PCDHGB3: variants seen among roughly 807,000 people sequenced by gnomAD.
PCDHGB3 encodes protocadherin gamma-B3.
A neutral mutation model predicts 59.2 loss-of-function variants in PCDHGB3; 40 were observed. That is an observed-to-expected ratio of 0.68 (90% CI 0.52 to 0.88). The LOEUF (loss-of-function observed/expected upper bound fraction) is 0.88, where lower values mean the gene tolerates loss of function less well. PCDHGB3 is among the 40% of genes least tolerant of loss of function. PCDHGB3 has a pLI of 0.00. For missense variants in PCDHGB3, 1,309 were observed against 1,187.9 expected, an observed-to-expected ratio of 1.10 and a Z score of -1.50; for synonymous variants, 581 against 503.6, an observed-to-expected ratio of 1.15 and a Z score of -2.06.
At chr5:141,449,101 G>A (rs1020443363) in intron 1 of PCDHGB3, among the ~76,000 whole-genome samples, 2 of 152,144 alleles carry the variant, frequency 1.3e-5, no homozygotes, top group African/African-American at 2.4e-5. Flanking sequence ...TACATATGCA[G>A]TATATCTTTG....
rs1026815375 is a variant in PCDHGB3, at chr5:141,481,045, G to A, written c.2416-13762G>A. 4.6e-5 allele frequency among the ~76,000 whole-genome samples: 7 copies of A among 152,024 alleles called. No individual in the cohort carries two copies. In the South Asian group the frequency reaches 8.3e-4, roughly 18 times the overall value. ...TGCACTCCAGCCTGGGCGACAGAGCGAGACTCCACCTCAAAAACAAAAAGA... is the reference window on the plus strand; with the variant it reads ...TGCACTCCAGCCTGGGCGACAGAGCAAGACTCCACCTCAAAAACAAAAAGA... On this transcript the variant is annotated intron_variant, in intron 1 of 3. Coordinates refer to ENST00000576222, the MANE Select transcript of PCDHGB3 (RefSeq NM_018924.5).
intron 1 of PCDHGB3, chr5:141,415,979 C>T (rs2095978015): frequency 2.8e-6 from 1 of 351,190 alleles, no homozygotes; most frequent in Middle Eastern, 8.3e-4. Flanking sequence ...TTAAGCAACC[C>T]TCTTGTTCTG....
intron 1 of PCDHGB3, chr5:141,428,113 T>A: frequency 6.2e-7 from 1 of 1,607,492 alleles, no homozygotes; most frequent in Non-Finnish European, 8.5e-7. Flanking sequence ...CTGCAGGCCA[T>A]CGAGCCCGGG....
chr5:141,468,903 C>T (rs1265804352), intron 1 of PCDHGB3, among the ~76,000 whole-genome samples: 1 of 151,614 alleles, frequency 6.6e-6, no homozygotes, highest in Non-Finnish European at 1.5e-5. Context: ...CTAATATGAT[C>T]CAGACTAGAA....
intron 1 of PCDHGB3, chr5:141,394,434 C>A (rs985055027): frequency 6.2e-7 from 1 of 1,614,248 alleles, no homozygotes; most frequent in East Asian, 2.2e-5. Flanking sequence ...CGGGGACCCG[C>A]CCCTCAGCAG....
rs2099735810 is a variant in PCDHGB3 at position 141,491,979 on chromosome 5, G to A, written c.2416-2828G>A. On this transcript the variant is annotated intron_variant, in intron 1 of 3. Transcript: ENST00000576222. This position sits in a 1 kb window ranked among gnomAD's most constrained non-coding sequence, Gnocchi z 6.9. ...CAAAAAAGGCCGGGGCCTCCTTCGA[G>A]CTTCCGGTGAATTTCGGGCGATTTC... 6.4e-6 allele frequency: 5 copies of A among 787,296 alleles called. No homozygotes were observed. Among genetic ancestry groups the A allele is most frequent in the Non-Finnish European group, 9.4e-6 (5 of 533,208 alleles). 48.8% of individuals were successfully genotyped at this position (787,296 alleles called of 1,614,324 possible).
At position 141,413,764 on chromosome 5, in the gene PCDHGB3, G is replaced by A. The variant is rs749419039; in HGVS notation, c.2415+40955G>A. 28 of 1,612,716 alleles carry A rather than the reference G, an allele frequency of 1.7e-5. No individual in the cohort carries two copies. Among genetic ancestry groups the A allele is most frequent in the Non-Finnish European group, 2.2e-5 (26 of 1,179,878 alleles). On this transcript the variant is annotated intron_variant, in intron 1 of 3. Coordinates refer to ENST00000576222, the MANE Select transcript of PCDHGB3 (RefSeq NM_018924.5). ...CCGTGCCAATGGCGTCAAGTACCCG[G>A]AGCTGGTACTGGAGCACTCCCTAGA... is the stretch of plus-strand genomic sequence containing the variant.
chr5:141,431,092 G>A lies in PCDHGB3; in HGVS notation c.2415+58283G>A. On this transcript the variant is annotated intron_variant, in intron 1 of 3. Coordinates refer to ENST00000576222, the MANE Select transcript of PCDHGB3 (RefSeq NM_018924.5). This position sits in a 1 kb window ranked among gnomAD's most constrained non-coding sequence, Gnocchi z 4.8. ...AATTAAATCTAGACATTCTGATGGAGGATAAAGTGAAAATATATGGAGTAG... is the reference window on the plus strand; with the variant it reads ...AATTAAATCTAGACATTCTGATGGAAGATAAAGTGAAAATATATGGAGTAG... 1 of 1,614,252 alleles carries A rather than the reference G, an allele frequency of 6.2e-7. No individual in the cohort carries two copies. The highest frequency in any genetic ancestry group is 1.1e-5 in the South Asian group (1 of 91,090).
intron 1 of PCDHGB3, chr5:141,400,120 C>T: frequency 1.2e-6 from 2 of 1,614,076 alleles, no homozygotes; most frequent in Non-Finnish European, 1.7e-6. Flanking sequence ...TGACAGCTTG[C>T]AGGAGGTGCT....
intron 1 of PCDHGB3, chr5:141,415,909 C>T: frequency 2.6e-6 from 2 of 761,032 alleles, no homozygotes; most frequent in Non-Finnish European, 3.7e-6. Context: ...GACTTCCATA[C>T]AGAAGTGCCT....
chr5:141,431,435 G>C lies in PCDHGB3; in HGVS notation c.2415+58626G>C, dbSNP rs376827063. The C allele has an allele frequency of 6.2e-7, 1 of 1,613,668 alleles. No homozygotes were observed. The highest frequency in any genetic ancestry group is 1.7e-5 in the Admixed American group (1 of 60,010). On this transcript the variant is annotated intron_variant, in intron 1 of 3. Coordinates refer to ENST00000576222, the MANE Select transcript of PCDHGB3 (RefSeq NM_018924.5). This position sits in a 1 kb window ranked among gnomAD's most constrained non-coding sequence, Gnocchi z 4.8. ...GGGCGACCCGGTGCGCACAGGCACC[G>C]CGCGCATCCGCGTGATGGTTCTGGA...
At chr5:141,391,884 G>C (rs1192403353) in intron 1 of PCDHGB3, 1 of 152,128 alleles carries the variant, frequency 6.6e-6, no homozygotes, top group East Asian at 1.9e-4. Flanking sequence ...TTGGTGAAAG[G>C]GATGGGATGG....
At chr5:141,429,489 A>G (rs2097218567) in intron 1 of PCDHGB3, among the ~76,000 whole-genome samples, 1 of 152,062 alleles carries the variant, frequency 6.6e-6, no homozygotes, top group South Asian at 2.1e-4. Context: ...AGCTGAGACT[A>G]CAGTTGCCTG....
intron 2 of PCDHGB3, among the ~76,000 whole-genome samples, chr5:141,500,815 A>G (rs2099802742): frequency 6.6e-6 from 1 of 152,196 alleles, no homozygotes; most frequent in African/African-American, 2.4e-5. Context: ...ATGAATATAC[A>G]TATTATTTTT....
intron 1 of PCDHGB3, chr5:141,377,857 T>C (rs1234593870): frequency 6.6e-6 from 1 of 152,172 alleles, no homozygotes. Context: ...AAAATTAAGA[T>C]TTAAAAGACT....
chr5:141,397,273 T>C (rs1324330524), intron 1 of PCDHGB3, among the ~76,000 whole-genome samples: 5 of 152,184 alleles, frequency 3.3e-5, no homozygotes, highest in Non-Finnish European at 1.5e-5. Flanking sequence ...CTACATCATA[T>C]GGGCAGTATA....
intron 1 of PCDHGB3, chr5:141,415,035 C>T (rs368588973): frequency 8.9e-5 from 143 of 1,613,460 alleles, no homozygotes; most frequent in Non-Finnish European, 1.1e-4. Flanking sequence ...AGCCGGGACT[C>T]TTCGCGGTGG....
At chr5:141,421,705 G>C (rs1249601582) in intron 1 of PCDHGB3, 1 of 1,613,944 alleles carries the variant, frequency 6.2e-7, no homozygotes, top group Non-Finnish European at 8.5e-7. Context: ...TAATGCTAGG[G>C]ATCCAGATGT....
chr5:141,455,593 C>T (rs957677108), intron 1 of PCDHGB3, among the ~76,000 whole-genome samples: 4 of 152,070 alleles, frequency 2.6e-5, no homozygotes, highest in Non-Finnish European at 5.9e-5. Flanking sequence ...AATATGCAAA[C>T]GTAGGGCGCC....
Sources: allele counts gnomAD v4.1 joint callset (sites outside exome capture counted in the v4.1 genomes callset), GRCh38; gene constraint gnomAD v4.1.1; non-coding constraint Gnocchi (gnomAD v3.1); transcripts MANE v1.5; gene names NCBI Gene and HGNC (gene_info 2026-07-23, HGNC 2026-07-21).